Variants in SHANK2 observed in about 807,000 individuals in gnomAD.
SHANK2 encodes SH3 and multiple ankyrin repeat domains protein 2.
In SHANK2, 43 loss-of-function variants were observed where a neutral mutation model predicts 133.7. The observed-to-expected ratio is 0.32, with a 90% confidence interval of 0.25 to 0.41. The LOEUF (loss-of-function observed/expected upper bound fraction) is 0.41, where lower values mean the gene tolerates loss of function less well. Among genes scored for constraint, SHANK2 ranks in the 10% least tolerant of loss-of-function variants. The pLI is 1.00. For missense variants in SHANK2, 1,994 were observed against 2,235.8 expected, an observed-to-expected ratio of 0.89 and a Z score of 2.18; for synonymous variants, 1,017 against 952.8, an observed-to-expected ratio of 1.07 and a Z score of -1.24.
At chr11:71,246,932 C>T (rs2119511) in intron 1 of SHANK2, among the ~76,000 whole-genome samples, 47,300 of 152,074 alleles carry the variant, frequency 0.31, 7,442 homozygotes, top group East Asian at 0.44. Flanking sequence ...TGACCAACTG[C>T]GCCCCAGCAA....
intron 14 of SHANK2, among the ~76,000 whole-genome samples, chr11:70,753,436 T>C (rs1180839551): frequency 6.6e-6 from 1 of 151,634 alleles, no homozygotes; most frequent in Admixed American, 6.6e-5. Flanking sequence ...GTCAAAAAAA[T>C]AGAAAAAGAA....
intron 17 of SHANK2, among the ~76,000 whole-genome samples, chr11:70,541,651 T>C (rs1591555595): frequency 6.6e-6 from 1 of 152,332 alleles, no homozygotes; most frequent in East Asian, 1.9e-4. Flanking sequence ...GGCAGTGGTT[T>C]TCAAGCGGGG....
intron 14 of SHANK2, among the ~76,000 whole-genome samples, chr11:70,789,221 G>A (rs1947733636): frequency 6.6e-6 from 1 of 152,078 alleles, no homozygotes; most frequent in African/African-American, 2.4e-5. Flanking sequence ...GATCATAAAG[G>A]CACCTCCCAT....
intron 2 of SHANK2, among the ~76,000 whole-genome samples, chr11:71,171,787 C>T (rs1555112236): frequency 6.6e-6 from 1 of 152,222 alleles, no homozygotes; most frequent in African/African-American, 2.4e-5. Context: ...AAAGATCACC[C>T]CTCAGGGCAC....
chr11:70,895,434 C>A lies in SHANK2; in HGVS notation c.1174+1067G>T, dbSNP rs551069626. 3 of 152,760 alleles carry A rather than the reference C, an allele frequency of 2.0e-5. No homozygotes were observed. In the South Asian group the frequency reaches 6.2e-4, roughly 32 times the overall value. The allele number at this position is 152,760 out of a possible 1,614,324, so 9.5% of individuals were successfully genotyped here. ...AATGGGACTGCTCCCCGCTGCAGGT[C>A]CTGTGGAAGCGCGGGGCTGGAGGAA... On this transcript the variant is annotated intron_variant, in intron 11 of 25. Coordinates refer to ENST00000601538, the MANE Select transcript of SHANK2 (RefSeq NM_012309.5).
chr11:70,558,323 T>C (rs1436900561), intron 17 of SHANK2, among the ~76,000 whole-genome samples: 7 of 152,170 alleles, frequency 4.6e-5, no homozygotes, highest in Non-Finnish European at 8.8e-5. Context: ...CCACGGGAGC[T>C]CTCAGCAGGA....
chr11:70,918,226 C>T (rs1196022208), intron 10 of SHANK2, among the ~76,000 whole-genome samples: 2 of 152,266 alleles, frequency 1.3e-5, no homozygotes, highest in African/African-American at 2.4e-5. Context: ...CCGCTCCATG[C>T]GGGGCGGGGG....
At chr11:70,776,857 C>T (rs528079199) in intron 14 of SHANK2, among the ~76,000 whole-genome samples, 1 of 151,638 alleles carries the variant, frequency 6.6e-6, no homozygotes, top group South Asian at 2.1e-4. Context: ...ATCCATGCAT[C>T]AATCCACACA....
At chr11:71,156,731 T>C (rs1391229583) in intron 2 of SHANK2, among the ~76,000 whole-genome samples, 2 of 152,192 alleles carry the variant, frequency 1.3e-5, no homozygotes, top group Non-Finnish European at 2.9e-5. Flanking sequence ...GCTGCTGAAT[T>C]TTTAAGAGGG....
At chr11:70,671,328 C>T (rs1270816785) in intron 15 of SHANK2, among the ~76,000 whole-genome samples, 1 of 152,070 alleles carries the variant, frequency 6.6e-6, no homozygotes, top group Admixed American at 6.5e-5. Context: ...CTGAGCACCC[C>T]GGTGGAACCC....
At chr11:70,567,738 C>A (rs1399741939) in intron 17 of SHANK2, among the ~76,000 whole-genome samples, 1 of 152,142 alleles carries the variant, frequency 6.6e-6, no homozygotes, top group Non-Finnish European at 1.5e-5. Flanking sequence ...GGAAGGAAGA[C>A]CCAGACCCTG....
intron 17 of SHANK2, among the ~76,000 whole-genome samples, chr11:70,523,792 A>T (rs2059361175): frequency 6.6e-6 from 1 of 152,112 alleles, no homozygotes; most frequent in East Asian, 1.9e-4. Context: ...CCATAATTTC[A>T]GTTCAAAGCA....
At chr11:71,108,655 T>C (rs1162650146) in intron 6 of SHANK2, among the ~76,000 whole-genome samples, 1 of 152,182 alleles carries the variant, frequency 6.6e-6, no homozygotes, top group East Asian at 1.9e-4. Flanking sequence ...CCCTGCCTCA[T>C]GGAGGATCGG....
intron 8 of SHANK2, among the ~76,000 whole-genome samples, chr11:71,089,275 C>G (rs971589681): frequency 6.6e-6 from 1 of 152,104 alleles, no homozygotes; most frequent in African/African-American, 2.4e-5. Flanking sequence ...GAGCTGACAG[C>G]CAAGCGCAGC....
At chr11:71,100,394 T>C (rs186658813) in intron 6 of SHANK2, among the ~76,000 whole-genome samples, 2 of 152,234 alleles carry the variant, frequency 1.3e-5, no homozygotes, top group Non-Finnish European at 2.9e-5. Context: ...AGTGGATACA[T>C]TATCCATTGC....
chr11:70,492,441 G>T lies in SHANK2; in HGVS notation c.2333C>A (p.Ala778Asp). 6.2e-7 allele frequency: 1 copy of T among 1,614,006 alleles called. No individual in the cohort carries two copies. Among genetic ancestry groups the T allele is most frequent in the Non-Finnish European group, 8.5e-7 (1 of 1,180,046 alleles). ...KKDKPEEIVP[A>D]SKPSRAAENM... The stretch of plus-strand genomic sequence containing the variant: ...CTCAGCAGCGCGGGAGGGCTTGGAG[G>T]CCGGGACTATCTCCTCGGGTTTATC... Residue 778 changes from alanine to aspartate, a missense_variant, in exon 22 of 26, where the codon GCC becomes GAC. Transcript: ENST00000601538.
chr11:70,945,427 A>G (rs1373273575), intron 10 of SHANK2, among the ~76,000 whole-genome samples: 3 of 152,168 alleles, frequency 2.0e-5, no homozygotes, highest in African/African-American at 7.2e-5. Context: ...TATCAGCCAC[A>G]CCTACGGCCT....
chr11:70,484,159 C>CA (rs2058771451), intron 25 of SHANK2, among the ~76,000 whole-genome samples: 1 of 152,226 alleles, frequency 6.6e-6, no homozygotes, highest in South Asian at 2.1e-4. Context: ...CATAAGCCAT[C>CA]ACGGGAGCCA....
intron 17 of SHANK2, among the ~76,000 whole-genome samples, chr11:70,555,274 T>TC (rs1161555852): frequency 1.2e-4 from 18 of 152,292 alleles, no homozygotes; most frequent in Admixed American, 4.6e-4. Context: ...TACAATGGCC[T>TC]CTAAGTGTTC....
Sources: gnomAD v4.1 joint callset for allele counts (sites outside exome capture counted in the v4.1 genomes callset) on GRCh38, gnomAD v4.1.1 for gene constraint, MANE v1.5 for transcripts, NCBI Gene and HGNC (gene_info 2026-07-23, HGNC 2026-07-21) for gene names.